The following GAB1 variants were observed in gnomAD, a reference collection of about 807,000 sequenced individuals.
GAB1 encodes the protein GRB2-associated-binding protein 1.
In GAB1, 19 loss-of-function variants were observed where a neutral mutation model predicts 66.5. That is an observed-to-expected ratio of 0.29 (90% confidence interval 0.20 to 0.42). The LOEUF (loss-of-function observed/expected upper bound fraction) is 0.42. Among genes scored for constraint, GAB1 ranks in the 10% least tolerant of loss-of-function variants. GAB1 has a pLI of 1.00. For missense variants in GAB1, 732 were observed against 858.5 expected, an observed-to-expected ratio of 0.85 and a Z score of 1.84; for synonymous variants, 294 against 301.4, an observed-to-expected ratio of 0.98 and a Z score of 0.25.
At chr4:143,395,858 A>G in intron 1 of GAB1, 1 of 454,484 alleles carries the variant, frequency 2.2e-6, no homozygotes, top group Non-Finnish European at 4.4e-6. Flanking sequence ...AAGAAAGAAG[A>G]AGGCACAGCT....
chr4:143,346,557 A>G (rs548049515), intron 1 of GAB1, among the ~76,000 whole-genome samples: 12 of 152,324 alleles, frequency 7.9e-5, no homozygotes, highest in African/African-American at 2.9e-4. Context: ...GAGAGATACT[A>G]GGTAAAAGCT....
intron 1 of GAB1, among the ~76,000 whole-genome samples, chr4:143,408,495 A>C (rs529119990): frequency 2.0e-5 from 3 of 152,142 alleles, no homozygotes. Flanking sequence ...CAGTTATTTC[A>C]CACAAATGGA....
Position 143,429,648 on chromosome 4 carries a change from A to G in GAB1, c.368-3843A>G, listed in dbSNP as rs79125278. Among the ~76,000 whole-genome samples, 59 of 150,886 alleles carry G rather than the reference A, an allele frequency of 3.9e-4. No individual in the cohort carries two copies. In the East Asian group the frequency reaches 8.6e-3, roughly 22 times the overall value. On this transcript the variant is annotated intron_variant, in intron 2 of 9. Transcript: ENST00000262994. The stretch of plus-strand genomic sequence containing the variant: ...ACTGTGTAGATGAGCTATGAGGCCA[A>G]TTTTCCCAAGGGGCTGAATAAAGAT...
intron 1 of GAB1, among the ~76,000 whole-genome samples, chr4:143,360,806 G>A (rs2196908): frequency 0.51 from 77,144 of 151,972 alleles, 20,543 homozygotes; most frequent in African/African-American, 0.67. Flanking sequence ...GCCAAAAGGA[G>A]AATTTAAGGT....
In GAB1 at chr4:143,354,090, C is replaced by G. The variant is rs569820278; in HGVS notation, c.72+16830C>G. 2.0e-5 allele frequency among the ~76,000 whole-genome samples: 3 copies of G among 152,268 alleles called. No homozygotes were observed. The South Asian group carries it at 6.2e-4, about 32-fold the overall frequency. ...GCTGTATGCTGGTGGAGACCCAAAA[C>G]CAGCTTCTTCCATTTACTCAATCAA... On this transcript the variant is annotated intron_variant, in intron 1 of 9. Transcript: ENST00000262994.
intron 6 of GAB1, among the ~76,000 whole-genome samples, chr4:143,443,296 G>A (rs28925920): frequency 1.3e-5 from 2 of 152,084 alleles, no homozygotes; most frequent in African/African-American, 2.4e-5. Flanking sequence ...GATTACAGGC[G>A]TGAGCCACTG....
intron 1 of GAB1, among the ~76,000 whole-genome samples, chr4:143,378,138 A>G (rs1730493690): frequency 6.6e-6 from 1 of 152,278 alleles, no homozygotes. Flanking sequence ...TAAGAATGAA[A>G]TAAAATTGAA....
At chr4:143,457,742 A>G (rs1735268960) in intron 6 of GAB1, 5 of 1,580,334 alleles carry the variant, frequency 3.2e-6, no homozygotes, top group Admixed American at 2.0e-5. Flanking sequence ...TTCACAAACC[A>G]TAGGTGACTT....
intron 1 of GAB1, among the ~76,000 whole-genome samples, chr4:143,401,037 T>G (rs1357207555): frequency 6.6e-6 from 1 of 152,060 alleles, no homozygotes; most frequent in Non-Finnish European, 1.5e-5. Flanking sequence ...CAGAACGGTG[T>G]TTTTGTTTTT....
At chr4:143,365,034 C>A (rs928823083) in intron 1 of GAB1, among the ~76,000 whole-genome samples, 1 of 151,686 alleles carries the variant, frequency 6.6e-6, no homozygotes. Flanking sequence ...CCCGCCACCA[C>A]GCCTGGCTAA....
chr4:143,450,682 G>A (rs371718808), intron 6 of GAB1, among the ~76,000 whole-genome samples: 12 of 152,136 alleles, frequency 7.9e-5, no homozygotes, highest in African/African-American at 2.7e-4. Context: ...CTGAGGTCAG[G>A]AGTTTGAGAC....
intron 1 of GAB1, among the ~76,000 whole-genome samples, chr4:143,338,629 T>A (rs1440549157): frequency 6.6e-6 from 1 of 152,110 alleles, no homozygotes; most frequent in Non-Finnish European, 1.5e-5. Context: ...TTCCTGAATA[T>A]CCTAGTAAAA....
chr4:143,350,211 T>G (rs1729146311), intron 1 of GAB1: 4 of 609,952 alleles, frequency 6.6e-6, no homozygotes. Flanking sequence ...CCAAGCACTG[T>G]GCCTTCTGTC....
In GAB1 at chr4:143,438,476, G is replaced by A. The variant is rs1734055379; in HGVS notation, c.1071G>A (p.Val357=). 1 of 1,613,734 alleles carries A rather than the reference G, an allele frequency of 6.2e-7. No homozygotes were observed. Among genetic ancestry groups the A allele is most frequent in the Non-Finnish European group, 8.5e-7 (1 of 1,179,958 alleles). The change falls in exon 4 of 10, where the codon GTG becomes GTA. Residue 357 remains valine, a synonymous_variant. Transcript: ENST00000262994. ...ATCCAGCTCATGACCGATCTCCTGT[G>A]GAAACGTGTAGTATCCCACGCACCG... ...KPHPAHDRSP[V]ETCSIPRTAS... is the part of the protein sequence containing the mutation.
At chr4:143,438,681 A>G in intron 4 of GAB1, 81 bp downstream of exon 4, 1 of 1,408,798 alleles carries the variant, frequency 7.1e-7, no homozygotes, top group Non-Finnish European at 9.7e-7. Context: ...TTTTAAGCGT[A>G]GTTAAATATA....
Position 143,469,315 on chromosome 4 carries a change from C to A in GAB1, c.*126C>A. 1 of 963,662 alleles carries A rather than the reference C, an allele frequency of 1.0e-6. No homozygotes were observed. Among genetic ancestry groups the A allele is most frequent in the Middle Eastern group, 2.3e-4 (1 of 4,444 alleles). 59.7% of individuals were successfully genotyped at this position (963,662 alleles called of 1,614,324 possible). ...ATGAGTAGAGTTGAAGTCAAAGGAC[C>A]TTTCTGACATAATCAAGCAATTTAG... On this transcript the variant is annotated 3_prime_UTR_variant, in exon 10 of 10. Coordinates refer to ENST00000262994, the MANE Select transcript of GAB1 (RefSeq NM_002039.4).
chr4:143,337,171 G>C lies in GAB1; in HGVS notation c.-18G>C, dbSNP rs374296210. ...CCGCCCCTCAGCTGCCCGGCCCGGA[G>C]CCCGAGACGCGCGCACCATGAGCGG... On this transcript the variant is annotated 5_prime_UTR_variant, in exon 1 of 10. Coordinates refer to ENST00000262994, the MANE Select transcript of GAB1 (RefSeq NM_002039.4). 6.4e-7 allele frequency: 1 copy of C among 1,565,930 alleles called. No homozygotes were observed. The highest frequency in any genetic ancestry group is 8.7e-7 in the Non-Finnish European group (1 of 1,154,912).
intron 6 of GAB1, among the ~76,000 whole-genome samples, chr4:143,452,745 C>T (rs902501236): frequency 2.0e-5 from 3 of 152,138 alleles, no homozygotes; most frequent in Non-Finnish European, 4.4e-5. Flanking sequence ...ATAGAAATTT[C>T]CCCAGTAGTC....
chr4:143,405,356 A>T (rs1461842867), intron 1 of GAB1, among the ~76,000 whole-genome samples: 1 of 152,198 alleles, frequency 6.6e-6, no homozygotes. Flanking sequence ...TAATATTAAC[A>T]TATTGGCACG....
Sources: gnomAD v4.1 joint callset for allele counts (sites outside exome capture counted in the v4.1 genomes callset) on GRCh38, gnomAD v4.1.1 for gene constraint, MANE v1.5 for transcripts, NCBI Gene and HGNC (gene_info 2026-07-23, HGNC 2026-07-21) for gene names.